Variants in TSPEAR observed in about 807,000 individuals in gnomAD.
The protein encoded by TSPEAR is thrombospondin-type laminin G domain and EAR repeat-containing protein.
A neutral mutation model predicts 71.6 loss-of-function variants in TSPEAR; 69 were observed. The observed-to-expected ratio is 0.96, with a 90% CI of 0.79 to 1.18. The LOEUF is 1.18. Among genes scored for constraint, TSPEAR ranks in the 50% most tolerant of loss-of-function variants. The pLI, the probability that TSPEAR is intolerant of heterozygous loss-of-function variation, is 0.00. For missense variants in TSPEAR, 971 were observed against 894.9 expected (o/e 1.09, Z -1.09); for synonymous variants, 402 against 387.2 (o/e 1.04, Z -0.45).
chr21:44,617,851 C>T lies in TSPEAR; in HGVS notation c.83-49846G>A, dbSNP rs941321840. 3.3e-4 allele frequency among the ~76,000 whole-genome samples: 50 copies of T among 152,250 alleles called. 2 individuals carry two copies. The highest frequency in any genetic ancestry group is 2.9e-5 in the Non-Finnish European group (2 of 68,046). On this transcript the variant is annotated intron_variant, in intron 1 of 11. Coordinates refer to ENST00000323084, the MANE Select transcript of TSPEAR (RefSeq NM_144991.3). ...AACGACACTTCTGTGTGTGTTTCCA[C>T]TATATACCTTTCCACACTCAGATAT...
rs781866521 is a variant in TSPEAR, at chr21:44,612,615, A to C, written c.83-44610T>G. ...GCCTGCTGTGTGCCCATCTGCTGCA[A>C]GCCCATCTGCTGTGTGCCTGTCTGC... On this transcript the variant is annotated intron_variant, in intron 1 of 11. Transcript: ENST00000323084. The surrounding 1 kb of genome is among the most constrained non-coding windows in gnomAD (Gnocchi z 4.1). 1 of 1,613,740 alleles carries C rather than the reference A, an allele frequency of 6.2e-7. No homozygotes were observed. Among genetic ancestry groups the C allele is most frequent in the South Asian group, 1.1e-5 (1 of 91,066 alleles).
Position 44,580,700 on chromosome 21 carries a change from C to T in TSPEAR, c.83-12695G>A, listed in dbSNP as rs996840438. The T allele has an allele frequency of 4.5e-4, 482 of 1,064,028 alleles. 1 individual carries two copies. The highest frequency in any genetic ancestry group is 5.5e-4 in the Non-Finnish European group (397 of 726,612). The allele number at this position is 1,064,028 out of a possible 1,614,324, so 65.9% of individuals were successfully genotyped here. The stretch of plus-strand genomic sequence containing the variant: ...GGGCTGTGGGGCTTTTAAATCCCTC[C>T]CTGGCGTGTGTTGTCCCGACAGGAG... On this transcript the variant is annotated intron_variant, in intron 1 of 11. Coordinates refer to ENST00000323084, the MANE Select transcript of TSPEAR (RefSeq NM_144991.3).
At chr21:44,699,098 G>C (rs7278629) in intron 1 of TSPEAR, among the ~76,000 whole-genome samples, 1 of 151,732 alleles carries the variant, frequency 6.6e-6, no homozygotes, top group Non-Finnish European at 1.5e-5. Context: ...CCCGGGAAGC[G>C]GAAGCAGAAG....
chr21:44,528,621 C>T, intron 5 of TSPEAR, 38 bp from the exon 6 acceptor site: 1 of 1,609,562 alleles, frequency 6.2e-7, no homozygotes, highest in Non-Finnish European at 8.5e-7. Context: ...TCCAGCAAGC[C>T]AGTGCCCCCA....
chr21:44,614,658 G>A (rs1981956627), intron 1 of TSPEAR, among the ~76,000 whole-genome samples: 1 of 152,214 alleles, frequency 6.6e-6, no homozygotes, highest in Non-Finnish European at 1.5e-5. Context: ...GCAGACAGAT[G>A]AATGCATGAC....
chr21:44,675,799 C>G (rs1363597389), intron 1 of TSPEAR: 1 of 559,558 alleles, frequency 1.8e-6, no homozygotes, highest in Non-Finnish European at 3.2e-6. Context: ...ACCCTTGCGG[C>G]AAACCCTTCA....
At chr21:44,528,300 T>G in intron 6 of TSPEAR, 152 bp downstream of exon 6, 1 of 1,088,984 alleles carries the variant, frequency 9.2e-7, no homozygotes, top group Non-Finnish European at 1.3e-6. Context: ...GGACTGATGC[T>G]GCCTCTCACT....
chr21:44,574,007 C>T, intron 1 of TSPEAR: 2 of 1,613,156 alleles, frequency 1.2e-6, no homozygotes, highest in Non-Finnish European at 1.7e-6. Context: ...GCTGCACCAG[C>T]TCCTGCACGC....
chr21:44,552,096 A>T (rs1555919177), intron 2 of TSPEAR, among the ~76,000 whole-genome samples: 1 of 152,128 alleles, frequency 6.6e-6, no homozygotes, highest in African/African-American at 2.4e-5. Context: ...TAGGAGGACA[A>T]GGTTTGGGGA....
At chr21:44,548,434 CCT>C (rs1298580667) in intron 2 of TSPEAR, among the ~76,000 whole-genome samples, 2 of 152,142 alleles carry the variant, frequency 1.3e-5, no homozygotes, top group African/African-American at 4.8e-5. Context: ...AACTCCACCC[CCT>C]TTGTTGGGGT....
chr21:44,524,930 T>G (rs2052818993), intron 8 of TSPEAR, among the ~76,000 whole-genome samples: 1 of 145,900 alleles, frequency 6.9e-6, no homozygotes, highest in Non-Finnish European at 1.5e-5. Context: ...TAGTTAGTCA[T>G]TCAGGTAGTC....
chr21:44,701,701 G>A (rs1987653890), intron 1 of TSPEAR, among the ~76,000 whole-genome samples: 1 of 151,314 alleles, frequency 6.6e-6, no homozygotes, highest in African/African-American at 2.5e-5. Context: ...TGATCTGGCA[G>A]GAGGCGGAGC....
chr21:44,551,512 G>GAGTGAGTGTGTA (rs1555919039), intron 2 of TSPEAR: 1 of 1,538,478 alleles, frequency 6.5e-7, no homozygotes, highest in Non-Finnish European at 8.8e-7. Flanking sequence ...GTGAGTGTGT[G>GAGTGAGTGTGTA]TGTGAGTGTG....
chr21:44,630,842 A>G (rs1266669929), intron 1 of TSPEAR, among the ~76,000 whole-genome samples: 2 of 152,198 alleles, frequency 1.3e-5, no homozygotes, highest in East Asian at 3.9e-4. Flanking sequence ...CACTAAGCAA[A>G]TGGAATAGTG....
intron 9 of TSPEAR, among the ~76,000 whole-genome samples, chr21:44,512,631 C>T (rs61340949): frequency 1.4e-3 from 215 of 152,310 alleles, no homozygotes; most frequent in African/African-American, 4.9e-3. Context: ...GACGGGCAGT[C>T]TGGTCTGGTG....
At chr21:44,645,358 CTTTT>C (rs34384761) in intron 1 of TSPEAR, among the ~76,000 whole-genome samples, 3 of 130,838 alleles carry the variant, frequency 2.3e-5, no homozygotes, top group Non-Finnish European at 3.3e-5. Context: ...GGCCACTTAG[CTTTT>C]TTTTTTTTTT....
At chr21:44,668,618 T>A (rs1461783577) in intron 1 of TSPEAR, among the ~76,000 whole-genome samples, 2 of 152,060 alleles carry the variant, frequency 1.3e-5, no homozygotes, top group African/African-American at 2.4e-5. Flanking sequence ...GCTGGAGGAG[T>A]CACACTTTCT....
intron 9 of TSPEAR, among the ~76,000 whole-genome samples, chr21:44,511,398 AGATGCACATGCATGCCTGTACACATGTG>A: frequency 6.6e-6 from 1 of 152,158 alleles, no homozygotes; most frequent in Non-Finnish European, 1.5e-5. Context: ...TTACATGCAC[AGATGCACATGCATGCCTGTACACATGTG>A]GATACACATG....
At chr21:44,660,667 A>C (rs961594434) in intron 1 of TSPEAR, among the ~76,000 whole-genome samples, 5 of 152,230 alleles carry the variant, frequency 3.3e-5, no homozygotes, top group African/African-American at 1.2e-4. Context: ...AATCCACACA[A>C]AGAAAAGACC....
Sources: allele counts gnomAD v4.1 joint callset (sites outside exome capture counted in the v4.1 genomes callset), GRCh38; gene constraint gnomAD v4.1.1; non-coding constraint Gnocchi (gnomAD v3.1); transcripts MANE v1.5; gene names NCBI Gene and HGNC (gene_info 2026-07-23, HGNC 2026-07-21).